Variants in TRAPPC9 observed in about 807,000 individuals in gnomAD.
The protein encoded by TRAPPC9 is IKK2 binding protein.
A neutral mutation model predicts 124.0 loss-of-function variants in TRAPPC9; 83 were observed. The ratio of observed to expected loss-of-function variants is 0.67; its 90% CI spans 0.56 to 0.80. TRAPPC9 has a LOEUF of 0.80. Ranked by LOEUF, TRAPPC9 falls within the 30% of genes least tolerant of loss-of-function variation. The pLI, the probability that TRAPPC9 is intolerant of heterozygous loss-of-function variation, is 0.00. For synonymous variants in TRAPPC9, 638 were observed against 617.5 expected (o/e 1.03, Z -0.49); for missense variants, 1,302 against 1,508.3 (o/e 0.86, Z 2.27).
chr8:140,056,461 T>G (rs1452913571), intron 17 of TRAPPC9, among the ~76,000 whole-genome samples: 1 of 151,170 alleles, frequency 6.6e-6, no homozygotes, highest in Non-Finnish European at 1.5e-5. Context: ...TGGTACTGAC[T>G]GACAGACATA....
intron 4 of TRAPPC9, among the ~76,000 whole-genome samples, chr8:140,427,282 G>GTCA (rs1203461635): frequency 6.6e-6 from 1 of 151,902 alleles, no homozygotes; most frequent in Non-Finnish European, 1.5e-5. Flanking sequence ...GCAAATGTAT[G>GTCA]TCAGCAGCCT....
chr8:139,977,337 T>G (rs886266043), intron 19 of TRAPPC9, among the ~76,000 whole-genome samples: 4 of 151,928 alleles, frequency 2.6e-5, no homozygotes, highest in African/African-American at 9.7e-5. Context: ...AAAAAAATGC[T>G]GAGGCCAGGC....
chr8:140,005,680 T>C (rs968488519), intron 18 of TRAPPC9, among the ~76,000 whole-genome samples: 35 of 151,916 alleles, frequency 2.3e-4, no homozygotes, highest in African/African-American at 8.2e-4. Flanking sequence ...TGGGAAGTCT[T>C]GGGTACCAAG....
intron 17 of TRAPPC9, among the ~76,000 whole-genome samples, chr8:140,073,159 G>A (rs571503059): frequency 3.3e-5 from 5 of 152,146 alleles, no homozygotes; most frequent in African/African-American, 9.7e-5. Flanking sequence ...TTAAACCCAC[G>A]CTTAGTATAT....
chr8:140,287,530 C>T (rs1402184873), intron 13 of TRAPPC9, 78 bp downstream of exon 13: 4 of 1,578,058 alleles, frequency 2.5e-6, no homozygotes, highest in Admixed American at 3.3e-5. Context: ...GACGGGCGAT[C>T]GGCTCTGGAC....
At chr8:139,955,183 AC>A (rs1834893548) in intron 19 of TRAPPC9, among the ~76,000 whole-genome samples, 1 of 152,138 alleles carries the variant, frequency 6.6e-6, no homozygotes, top group Non-Finnish European at 1.5e-5. Context: ...AGCCATCGGC[AC>A]CATCTGACCA....
chr8:139,898,906 G>A (rs986052385), intron 20 of TRAPPC9, among the ~76,000 whole-genome samples: 3 of 151,948 alleles, frequency 2.0e-5, no homozygotes, highest in Non-Finnish European at 1.5e-5. Flanking sequence ...GATCACCTGA[G>A]GTCAGGAGTT....
At chr8:139,768,510 C>T (rs141164936) in intron 21 of TRAPPC9, among the ~76,000 whole-genome samples, 58 of 152,324 alleles carry the variant, frequency 3.8e-4, no homozygotes, top group Non-Finnish European at 6.3e-4. Flanking sequence ...AAAATATGTA[C>T]CTGGAAAATC....
At chr8:140,211,483 C>T (rs1190029293) in intron 17 of TRAPPC9, among the ~76,000 whole-genome samples, 4 of 152,126 alleles carry the variant, frequency 2.6e-5, no homozygotes, top group African/African-American at 9.7e-5. Context: ...CACTTGAGCC[C>T]AGGAGGTCAA....
rs1586889808 is a variant in TRAPPC9, at chr8:139,807,577, G to A, written c.3056-75375C>T. On this transcript the variant is annotated intron_variant, in intron 21 of 22. Transcript: ENST00000438773. ...AACAGCACAGGAGCCGACAGGAGAC[G>A]TCCTCAACACAACCACCGGCGGAGG... Among the ~76,000 whole-genome samples the A allele has an allele frequency of 2.0e-5, 3 of 152,152 alleles. No homozygotes were observed. The South Asian group carries it at 6.2e-4, about 32-fold the overall frequency.
chr8:140,126,253 G>A (rs2061094718), intron 17 of TRAPPC9, among the ~76,000 whole-genome samples: 1 of 152,108 alleles, frequency 6.6e-6, no homozygotes, highest in Admixed American at 6.6e-5. Context: ...AGATGGCCAG[G>A]GAGGGAGAGG....
At chr8:140,062,121 C>G (rs901804833) in intron 17 of TRAPPC9, among the ~76,000 whole-genome samples, 3 of 152,192 alleles carry the variant, frequency 2.0e-5, no homozygotes, top group Admixed American at 1.3e-4. Flanking sequence ...CCCGCCTGAC[C>G]ACCTGGGAGC....
At chr8:139,806,457 C>A (rs556392845) in intron 21 of TRAPPC9, among the ~76,000 whole-genome samples, 64 of 152,218 alleles carry the variant, frequency 4.2e-4, no homozygotes, top group African/African-American at 1.4e-3. Context: ...CGGGGCTCAG[C>A]GGCAGTGACA....
At chr8:139,967,011 G>A (rs986681782) in intron 19 of TRAPPC9, among the ~76,000 whole-genome samples, 5 of 152,306 alleles carry the variant, frequency 3.3e-5, no homozygotes, top group African/African-American at 1.2e-4. Flanking sequence ...TAAAGACGAA[G>A]TTTTAATAAG....
chr8:139,762,877 C>G (rs1339291363), intron 21 of TRAPPC9, among the ~76,000 whole-genome samples: 1 of 152,160 alleles, frequency 6.6e-6, no homozygotes, highest in Non-Finnish European at 1.5e-5. Context: ...ACATGAGGAC[C>G]AAGTTCCCAG....
chr8:140,214,986 G>C (rs1258779080), intron 17 of TRAPPC9, among the ~76,000 whole-genome samples: 1 of 152,104 alleles, frequency 6.6e-6, no homozygotes, highest in Non-Finnish European at 1.5e-5. Flanking sequence ...TCGGGGAGAA[G>C]GGCTCTGTAA....
chr8:140,017,492 C>T (rs929746156), intron 18 of TRAPPC9, among the ~76,000 whole-genome samples: 4 of 152,204 alleles, frequency 2.6e-5, no homozygotes, highest in African/African-American at 9.7e-5. Flanking sequence ...TTTCTTTCCC[C>T]ATGAAATTAG....
chr8:140,102,518 T>C (rs1019752942), intron 17 of TRAPPC9, among the ~76,000 whole-genome samples: 3 of 151,820 alleles, frequency 2.0e-5, no homozygotes, highest in Non-Finnish European at 2.9e-5. Flanking sequence ...CACACAGACA[T>C]AGACATGGGG....
chr8:139,800,716 T>C (rs1255278178), intron 21 of TRAPPC9, among the ~76,000 whole-genome samples: 1 of 152,058 alleles, frequency 6.6e-6, no homozygotes, highest in Admixed American at 6.5e-5. Flanking sequence ...AGGAGAGCTG[T>C]CTGAAACCAC....
Sources: allele counts gnomAD v4.1 joint callset (sites outside exome capture counted in the v4.1 genomes callset), GRCh38; gene constraint gnomAD v4.1.1; transcripts MANE v1.5; gene names NCBI Gene and HGNC (gene_info 2026-07-23, HGNC 2026-07-21).